Variants in TLN2 observed in about 807,000 individuals in gnomAD.
TLN2 encodes talin 2.
TLN2 carries 118 observed loss-of-function variants against 294.7 expected under a neutral mutation model. The ratio of observed to expected loss-of-function variants is 0.40; its 90% CI spans 0.34 to 0.47. The LOEUF (loss-of-function observed/expected upper bound fraction) is 0.47, where lower values mean the gene tolerates loss of function less well. Ranked by LOEUF, TLN2 falls within the 20% of genes least tolerant of loss-of-function variation. The pLI, the probability that TLN2 is intolerant of heterozygous loss-of-function variation, is 0.84. For synonymous variants in TLN2, 1,431 were observed against 1,304.5 expected, an observed-to-expected ratio of 1.10 and a Z score of -2.09; for missense variants, 3,083 against 3,282.2, an observed-to-expected ratio of 0.94 and a Z score of 1.48.
At chr15:62,457,130 T>C (rs1244426765) in intron 1 of TLN2, among the ~76,000 whole-genome samples, 2 of 152,172 alleles carry the variant, frequency 1.3e-5, no homozygotes, top group Non-Finnish European at 2.9e-5. Context: ...ACAATAGAAA[T>C]TTTTTCACGG....
chr15:62,540,332 G>A (rs562147935), intron 1 of TLN2, among the ~76,000 whole-genome samples: 1 of 149,622 alleles, frequency 6.7e-6, no homozygotes, highest in Non-Finnish European at 1.5e-5. Flanking sequence ...GGAGTGAGAC[G>A]CCATCTTAAA....
chr15:62,734,323 A>G (rs142985187), intron 28 of TLN2, among the ~76,000 whole-genome samples: 70 of 152,310 alleles, frequency 4.6e-4, no homozygotes, highest in African/African-American at 1.5e-3. Context: ...TGGGAAGACA[A>G]GAGGAGAGGT....
At chr15:62,743,492 C>T (rs2061450367) in intron 32 of TLN2, among the ~76,000 whole-genome samples, 2 of 152,094 alleles carry the variant, frequency 1.3e-5, no homozygotes, top group Non-Finnish European at 2.9e-5. Context: ...CCTACCTATC[C>T]CCTTGGTTTT....
At chr15:62,474,226 C>T (rs186493215) in intron 1 of TLN2, among the ~76,000 whole-genome samples, 361 of 152,336 alleles carry the variant, frequency 2.4e-3, no homozygotes, top group Middle Eastern at 0.01. Context: ...TTTCAGAGGG[C>T]TCATGAATCC....
At chr15:62,650,036 G>A in intron 4 of TLN2, 48 bp from the exon 5 acceptor site, 2 of 1,581,660 alleles carry the variant, frequency 1.3e-6, no homozygotes, top group Non-Finnish European at 1.7e-6. Flanking sequence ...GTCAGTGATG[G>A]CTTCATCACC....
At chr15:62,522,425 C>T (rs549899982) in intron 1 of TLN2, among the ~76,000 whole-genome samples, 13 of 152,226 alleles carry the variant, frequency 8.5e-5, no homozygotes, top group South Asian at 2.1e-4. Context: ...GGTCCATTCT[C>T]GTGGATGAAA....
intron 9 of TLN2, chr15:62,658,236 T>C (rs2053443485): frequency 4.8e-6 from 1 of 208,652 alleles, no homozygotes; most frequent in Non-Finnish European, 9.2e-6. Flanking sequence ...AGTGTGGGGG[T>C]TGTGGGGAGG....
intron 1 of TLN2, among the ~76,000 whole-genome samples, chr15:62,441,045 C>G (rs1430126206): frequency 6.6e-6 from 1 of 152,136 alleles, no homozygotes; most frequent in Non-Finnish European, 1.5e-5. Context: ...CACATTCATG[C>G]TCTGGGACAG....
intron 1 of TLN2, among the ~76,000 whole-genome samples, chr15:62,563,583 C>T (rs1251329216): frequency 6.6e-6 from 1 of 152,136 alleles, no homozygotes; most frequent in East Asian, 1.9e-4. Context: ...TGCAAAAGCT[C>T]TTTAGTTTAA....
chr15:62,840,693 G>C lies in TLN2; in HGVS notation c.*83G>C. The C allele has an allele frequency of 6.6e-7, 1 of 1,525,498 alleles. No homozygotes were observed. The highest frequency in any genetic ancestry group is 8.8e-7 in the Non-Finnish European group (1 of 1,137,348). The allele number at this position is 1,525,498 out of a possible 1,614,324, so 94.5% of individuals were successfully genotyped here. On this transcript the variant is annotated 3_prime_UTR_variant, in exon 59 of 59. Transcript: ENST00000636159. ...GTGTTCCTGAGAGGCTGGGCACTTA[G>C]CTGGAAACCGCCCACCTCCCTCCCG...
chr15:62,512,845 T>G (rs115564958), intron 1 of TLN2, among the ~76,000 whole-genome samples: 1,744 of 152,320 alleles, frequency 0.011, 29 homozygotes, highest in African/African-American at 0.041. Context: ...TCTTCAAGAC[T>G]TCCCTCTCCT....
chr15:62,537,518 A>G (rs2041429911), intron 1 of TLN2, among the ~76,000 whole-genome samples: 1 of 152,180 alleles, frequency 6.6e-6, no homozygotes, highest in Non-Finnish European at 1.5e-5. Context: ...AACACTGTAA[A>G]AAAGATGATC....
chr15:62,616,707 G>C (rs576283615), intron 2 of TLN2, among the ~76,000 whole-genome samples: 22 of 152,336 alleles, frequency 1.4e-4, no homozygotes, highest in African/African-American at 5.1e-4. Context: ...GGAACCTCAT[G>C]TGGAGTCAGA....
intron 1 of TLN2, among the ~76,000 whole-genome samples, chr15:62,550,856 G>A (rs1313548046): frequency 1.3e-5 from 2 of 151,980 alleles, no homozygotes; most frequent in Non-Finnish European, 2.9e-5. Context: ...CCTGGACCAG[G>A]GTCTGCAGGA....
chr15:62,831,238 C>T (rs915992436), intron 54 of TLN2: 20 of 152,012 alleles, frequency 1.3e-4, no homozygotes, highest in Non-Finnish European at 2.1e-4. Context: ...TGGACTCGGG[C>T]GTGGAACCCA....
chr15:62,549,414 T>A (rs1233853478), intron 1 of TLN2, among the ~76,000 whole-genome samples: 1 of 152,076 alleles, frequency 6.6e-6, no homozygotes, highest in Non-Finnish European at 1.5e-5. Context: ...GGATTACAGG[T>A]GTGAGCCACC....
At chr15:62,741,157 G>A (rs1161075316) in intron 32 of TLN2, among the ~76,000 whole-genome samples, 1 of 152,208 alleles carries the variant, frequency 6.6e-6, no homozygotes, top group East Asian at 1.9e-4. Flanking sequence ...GAAAAGCAGT[G>A]CTCATCAAGT....
At chr15:62,743,420 T>C (rs1304132314) in intron 32 of TLN2, among the ~76,000 whole-genome samples, 1 of 152,162 alleles carries the variant, frequency 6.6e-6, no homozygotes, top group Non-Finnish European at 1.5e-5. Context: ...GAGAAAAAAG[T>C]AGAGGATGTC....
At chr15:62,596,753 A>T (rs7168691) in intron 2 of TLN2, among the ~76,000 whole-genome samples, 31,815 of 151,810 alleles carry the variant, frequency 0.21, 3,752 homozygotes, top group East Asian at 0.45. Context: ...AAAAAAAAAA[A>T]AATAATAATA....
Sources: allele counts gnomAD v4.1 joint callset (sites outside exome capture counted in the v4.1 genomes callset), GRCh38; gene constraint gnomAD v4.1.1; transcripts MANE v1.5; gene names NCBI Gene and HGNC (gene_info 2026-07-23, HGNC 2026-07-21).